The following IFT56 variants were observed in gnomAD, a reference collection of about 807,000 sequenced individuals.
The protein encoded by IFT56 is intraflagellar transport protein 56.
At chr7:139,155,542 T>C in the IFT56 span, among the ~76,000 whole-genome samples, 1 of 152,116 alleles carries the variant, frequency 6.6e-6, no homozygotes, top group South Asian at 2.1e-4. Flanking sequence ...ATGGAGATGA[T>C]CATTTAGTTT....
chr7:139,139,872 G>C, the IFT56 span: 33 of 1,557,180 alleles, frequency 2.1e-5, no homozygotes, highest in Non-Finnish European at 2.8e-5. Context: ...TGAGATCACT[G>C]CTTACTATAT....
At chr7:139,182,030 G>T in the IFT56 span, among the ~76,000 whole-genome samples, 1 of 151,810 alleles carries the variant, frequency 6.6e-6, no homozygotes, top group Admixed American at 6.6e-5. Flanking sequence ...ACCAGAAAAA[G>T]AGAATAAAAA....
At chr7:139,164,000 A>G in the IFT56 span, among the ~76,000 whole-genome samples, 1 of 152,186 alleles carries the variant, frequency 6.6e-6, no homozygotes, top group Non-Finnish European at 1.5e-5. Flanking sequence ...CACAAAATAA[A>G]TTGTCCTTTC....
the IFT56 span, among the ~76,000 whole-genome samples, chr7:139,156,125 A>T: frequency 6.6e-6 from 1 of 152,148 alleles, no homozygotes; most frequent in Non-Finnish European, 1.5e-5. Context: ...ATTATCTAAT[A>T]TATTGGCCTA....
the IFT56 span, among the ~76,000 whole-genome samples, chr7:139,159,495 A>G: frequency 6.6e-6 from 1 of 152,160 alleles, no homozygotes; most frequent in African/African-American, 2.4e-5. Flanking sequence ...TTCCTTTGCC[A>G]GTGTAGCTCT....
chr7:139,149,718 A>G, the IFT56 span, among the ~76,000 whole-genome samples: 2 of 152,094 alleles, frequency 1.3e-5, no homozygotes, highest in Admixed American at 6.6e-5. Flanking sequence ...TAAATCCATT[A>G]TTTAGTTTCC....
the IFT56 span, among the ~76,000 whole-genome samples, chr7:139,158,880 C>A: frequency 6.6e-6 from 1 of 152,084 alleles, no homozygotes; most frequent in African/African-American, 2.4e-5. Context: ...CGCCACTGCA[C>A]TCCAGCCTGA....
At chr7:139,180,702 C>G in the IFT56 span, among the ~76,000 whole-genome samples, 1 of 148,926 alleles carries the variant, frequency 6.7e-6, no homozygotes, top group African/African-American at 2.5e-5. Context: ...GAGCAAGACT[C>G]TGTCTCAAAA....
At chr7:139,157,139 C>CTTTTTTTTTTTTTTTTTTTTT in the IFT56 span, among the ~76,000 whole-genome samples, 1 of 82,090 alleles carries the variant, frequency 1.2e-5, no homozygotes. Flanking sequence ...TCTTTAATTT[C>CTTTTTTTTTTTTTTTTTTTTT]TTTTTTTTTT....
At chr7:139,147,247 C>T in the IFT56 span, 1 of 1,613,478 alleles carries the variant, frequency 6.2e-7, no homozygotes, top group Non-Finnish European at 8.5e-7. Flanking sequence ...ATCTCACTAC[C>T]AAGAAGCTAT....
chr7:139,142,059 AC>A, the IFT56 span, among the ~76,000 whole-genome samples: 1 of 152,210 alleles, frequency 6.6e-6, no homozygotes, highest in Non-Finnish European at 1.5e-5. Flanking sequence ...GAATCTTAGC[AC>A]CTTTCTCTTC....
chr7:139,168,018 T>TA, the IFT56 span, among the ~76,000 whole-genome samples: 2 of 151,988 alleles, frequency 1.3e-5, no homozygotes, highest in Non-Finnish European at 2.9e-5. Flanking sequence ...GAGAAGGTAA[T>TA]AAAAATTATT....
the IFT56 span, among the ~76,000 whole-genome samples, chr7:139,145,784 C>T: frequency 1.3e-5 from 2 of 151,496 alleles, no homozygotes; most frequent in Middle Eastern, 3.2e-3. Flanking sequence ...CTGCATACTA[C>T]AAGCTACTCT....
chr7:139,142,787 G>A, the IFT56 span, among the ~76,000 whole-genome samples: 220 of 152,156 alleles, frequency 1.4e-3, no homozygotes, highest in African/African-American at 4.6e-3. Context: ...AGCCGAGATC[G>A]TGCCACTGCA....
chr7:139,176,666 A>T, the IFT56 span, among the ~76,000 whole-genome samples: 2 of 152,240 alleles, frequency 1.3e-5, no homozygotes, highest in African/African-American at 2.4e-5. Context: ...TATTCTGAGT[A>T]ACAGTGTTCA....
the IFT56 span, among the ~76,000 whole-genome samples, chr7:139,186,752 A>G: frequency 6.6e-6 from 1 of 152,190 alleles, no homozygotes. Context: ...TCAAATCACA[A>G]TCCTCAGTTT....
chr7:139,165,215 G>A, the IFT56 span: 28 of 1,612,978 alleles, frequency 1.7e-5, no homozygotes, highest in Non-Finnish European at 1.9e-5. Context: ...TAAACTTGGT[G>A]ATTTACTACC....
the IFT56 span, chr7:139,181,150 C>A: frequency 1.2e-6 from 2 of 1,613,142 alleles, no homozygotes; most frequent in Non-Finnish European, 8.5e-7. Flanking sequence ...TGGAAACCTC[C>A]GGCGAGTCCT....
the IFT56 span, among the ~76,000 whole-genome samples, chr7:139,183,828 A>G: frequency 1.3e-5 from 2 of 152,362 alleles, no homozygotes; most frequent in Admixed American, 1.3e-4. Flanking sequence ...ACAAATTTTA[A>G]TATTTAAATG....
Sources: gnomAD v4.1 joint callset for allele counts (sites outside exome capture counted in the v4.1 genomes callset) on GRCh38, gnomAD v4.1.1 for gene constraint, MANE v1.5 for transcripts, NCBI Gene and HGNC (gene_info 2026-07-23, HGNC 2026-07-21) for gene names.